Variants in PCDH9 observed in about 807,000 individuals in gnomAD.
PCDH9 encodes the protein protocadherin-9.
Under a neutral mutation model 70.6 loss-of-function variants are expected in PCDH9, and 24 were observed. That is an observed-to-expected ratio of 0.34 (90% CI 0.25 to 0.48). The LOEUF is 0.48. Among genes scored for constraint, PCDH9 ranks in the 20% least tolerant of loss-of-function variants. PCDH9 has a pLI of 0.99. For missense variants in PCDH9, 1,281 were observed against 1,503.6 expected, an observed-to-expected ratio of 0.85 and a Z score of 2.45; for synonymous variants, 562 against 558.5, an observed-to-expected ratio of 1.01 and a Z score of -0.09.
intron 2 of PCDH9, among the ~76,000 whole-genome samples, chr13:66,998,149 A>G (rs2084161220): frequency 6.6e-6 from 1 of 152,218 alleles, no homozygotes; most frequent in African/African-American, 2.4e-5. Context: ...TGATTAATCC[A>G]GTTTAGAGAG....
intron 3 of PCDH9, among the ~76,000 whole-genome samples, chr13:66,835,461 C>T (rs1186643933): frequency 2.6e-5 from 4 of 152,168 alleles, no homozygotes; most frequent in Non-Finnish European, 5.9e-5. Flanking sequence ...AGCAAAGTCA[C>T]GACATTTGTA....
At chr13:67,150,704 A>G (rs1204069232) in intron 2 of PCDH9, among the ~76,000 whole-genome samples, 1 of 152,218 alleles carries the variant, frequency 6.6e-6, no homozygotes, top group Non-Finnish European at 1.5e-5. Flanking sequence ...CAACTAACAT[A>G]AACTTGTTTT....
At chr13:66,697,035 C>T in intron 3 of PCDH9, among the ~76,000 whole-genome samples, 1 of 151,946 alleles carries the variant, frequency 6.6e-6, no homozygotes, top group East Asian at 1.9e-4. Context: ...GAGTTTGTGG[C>T]TGCAGTGAGC....
intron 4 of PCDH9, among the ~76,000 whole-genome samples, chr13:66,369,257 G>A (rs376709777): frequency 4.0e-4 from 61 of 152,152 alleles, no homozygotes; most frequent in African/African-American, 1.4e-3. Flanking sequence ...TTAAACTTGT[G>A]CACTATACTT....
chr13:67,155,660 T>A (rs3013591), intron 2 of PCDH9, among the ~76,000 whole-genome samples: 30,210 of 151,884 alleles, frequency 0.2, 3,226 homozygotes, highest in African/African-American at 0.23. Context: ...AGCAATGTTG[T>A]CAGAAGCTAG....
intron 2 of PCDH9, among the ~76,000 whole-genome samples, chr13:67,024,938 C>G (rs1594406673): frequency 6.6e-6 from 1 of 152,094 alleles, no homozygotes; most frequent in African/African-American, 2.4e-5. Context: ...GTTGTTTCAT[C>G]TACTTACATA....
chr13:67,079,297 T>G (rs980757794), intron 2 of PCDH9, among the ~76,000 whole-genome samples: 1 of 152,160 alleles, frequency 6.6e-6, no homozygotes, highest in Non-Finnish European at 1.5e-5. Flanking sequence ...GTCAGAAATC[T>G]ATAATTATCT....
At chr13:66,678,840 C>T (rs2078278791) in intron 3 of PCDH9, among the ~76,000 whole-genome samples, 1 of 151,808 alleles carries the variant, frequency 6.6e-6, no homozygotes, top group Admixed American at 6.6e-5. Flanking sequence ...ACACTTAGTA[C>T]ACTCTTAGTA....
intron 3 of PCDH9, among the ~76,000 whole-genome samples, chr13:66,784,266 T>C (rs538178824): frequency 6.6e-6 from 1 of 152,264 alleles, no homozygotes; most frequent in South Asian, 2.1e-4. Context: ...GTCAATAGGC[T>C]ATTAGCAGAA....
chr13:66,679,504 T>A (rs1476531492), intron 3 of PCDH9, among the ~76,000 whole-genome samples: 1 of 151,918 alleles, frequency 6.6e-6, no homozygotes, highest in Non-Finnish European at 1.5e-5. Flanking sequence ...CACTATCTTT[T>A]CAACTCAATA....
rs143689859 is a variant in PCDH9, at chr13:66,631,331, C to A, written c.3219G>T (p.Pro1073=). Residue 1073 remains proline (P), a synonymous_variant, in exon 4 of 5, where the codon CCG becomes CCT. Transcript: ENST00000377865. ...GTGAGATCAGGGTTCCACTACCCAC[C>A]GGCTCATGGTCTCCTAGACCACTGT... The part of the protein sequence containing the change: ...CSDSGLGDHE[P]VGSGTLISHP... 679 of 1,607,148 alleles carry A rather than the reference C, an allele frequency of 4.2e-4. 5 individuals are homozygous for A. The East Asian group carries it at 0.014, about 33-fold the overall frequency.
rs149254711 is a variant in PCDH9, at chr13:66,591,862, T to C, written c.3340+39348A>G. ...TGATAAAATAATTTAGAATATTAAATTATCTGCATAATTTAAACATTACAT... is the reference window on the plus strand; with the variant it reads ...TGATAAAATAATTTAGAATATTAAACTATCTGCATAATTTAAACATTACAT... On this transcript the variant is annotated intron_variant, in intron 4 of 4. Coordinates refer to ENST00000377865, the MANE Select transcript of PCDH9 (RefSeq NM_203487.3). 2.3e-3 allele frequency among the ~76,000 whole-genome samples: 348 copies of C among 151,772 alleles called. 2 individuals are homozygous for C. Among genetic ancestry groups the C allele is most frequent in the Admixed American group, 4.4e-3 (67 of 15,172 alleles).
intron 3 of PCDH9, among the ~76,000 whole-genome samples, chr13:66,675,378 C>T (rs1004804291): frequency 1.3e-5 from 2 of 152,238 alleles, no homozygotes; most frequent in South Asian, 4.1e-4. Flanking sequence ...GATATGCATG[C>T]ATGCCTGGCC....
chr13:67,217,327 T>C (rs934154011), intron 2 of PCDH9: 2 of 151,824 alleles, frequency 1.3e-5, no homozygotes, highest in African/African-American at 2.4e-5. Context: ...GCACAAAAAC[T>C]GTTTTCTTTT....
In PCDH9 at chr13:67,166,172, C is replaced by T. The variant is rs148325807; in HGVS notation, c.3036+59233G>A. On this transcript the variant is annotated intron_variant, in intron 2 of 4. Transcript: ENST00000377865. Reference sequence around the variant, plus strand: ...AAAATAAATTTCAGATCCACTATAACTCCCTGGCTTCTTACCCTGTTTTAT... The same window carrying T: ...AAAATAAATTTCAGATCCACTATAATTCCCTGGCTTCTTACCCTGTTTTAT... Among the ~76,000 whole-genome samples the T allele has an allele frequency of 4.3e-4, 66 of 152,272 alleles. 2 individuals carry two copies. The East Asian group carries it at 0.013, about 29-fold the overall frequency.
chr13:67,111,900 C>G (rs776200044), intron 2 of PCDH9, among the ~76,000 whole-genome samples: 1 of 152,088 alleles, frequency 6.6e-6, no homozygotes. Context: ...AGTGTTATTA[C>G]CCTGGCCTGG....
intron 4 of PCDH9, among the ~76,000 whole-genome samples, chr13:66,613,993 G>T (rs1197631888): frequency 6.6e-6 from 1 of 152,152 alleles, no homozygotes; most frequent in Admixed American, 6.5e-5. Flanking sequence ...TTCACAATTG[G>T]TAAGGCCGGG....
chr13:66,681,269 T>C (rs1352451257), intron 3 of PCDH9, among the ~76,000 whole-genome samples: 1 of 152,106 alleles, frequency 6.6e-6, no homozygotes, highest in East Asian at 1.9e-4. Context: ...CAGCTTCCAG[T>C]TTTCATTTTA....
chr13:66,987,258 A>G (rs1156956674), intron 2 of PCDH9, among the ~76,000 whole-genome samples: 1 of 152,016 alleles, frequency 6.6e-6, no homozygotes, highest in Non-Finnish European at 1.5e-5. Context: ...AGTTATTTTA[A>G]CAATTTCAAG....
Sources: gnomAD v4.1 joint callset for allele counts (sites outside exome capture counted in the v4.1 genomes callset) on GRCh38, gnomAD v4.1.1 for gene constraint, MANE v1.5 for transcripts, NCBI Gene and HGNC (gene_info 2026-07-23, HGNC 2026-07-21) for gene names.